TAFA4: variants seen among roughly 807,000 people sequenced by gnomAD.
The protein encoded by TAFA4 is chemokine-like protein TAFA-4.
Under a neutral mutation model 21.1 loss-of-function variants are expected in TAFA4, and 20 were observed. The observed-to-expected ratio is 0.95, with a 90% CI of 0.67 to 1.38. The LOEUF is 1.38. Among genes scored for constraint, TAFA4 ranks in the 40% most tolerant of loss-of-function variants. The pLI, the probability that TAFA4 is intolerant of heterozygous loss-of-function variation, is 0.00. For synonymous variants in TAFA4, 71 were observed against 67.4 expected (o/e 1.05, Z -0.26); for missense variants, 211 against 180.9 (o/e 1.17, Z -0.95).
intron 3 of TAFA4, among the ~76,000 whole-genome samples, chr3:68,776,447 G>T (rs957583400): frequency 6.6e-6 from 1 of 152,044 alleles, no homozygotes; most frequent in African/African-American, 2.4e-5. Context: ...ATAACAAAAG[G>T]GTCAGTTTAA....
intron 1 of TAFA4, among the ~76,000 whole-genome samples, chr3:68,923,717 G>A (rs761163046): frequency 2.0e-5 from 3 of 152,028 alleles, no homozygotes; most frequent in African/African-American, 4.8e-5. Context: ...TGTGTGGCAG[G>A]AGGAGGACTG....
intron 1 of TAFA4, among the ~76,000 whole-genome samples, chr3:68,894,876 C>G (rs752141923): frequency 1.3e-5 from 2 of 151,758 alleles, no homozygotes; most frequent in Non-Finnish European, 2.9e-5. Flanking sequence ...TTTTTTGTAA[C>G]AGAGTTTCAC....
intron 4 of TAFA4, among the ~76,000 whole-genome samples, chr3:68,752,311 T>C (rs1206484642): frequency 6.6e-6 from 1 of 152,130 alleles, no homozygotes; most frequent in Non-Finnish European, 1.5e-5. Flanking sequence ...CCTACAACCA[T>C]CAACATTCAT....
intron 5 of TAFA4, 103 bp downstream of exon 5, chr3:68,738,972 A>ATTAACACATAATAATGTGTTCTTGATGG (rs1702294164): frequency 6.6e-7 from 1 of 1,514,614 alleles, no homozygotes; most frequent in South Asian, 1.3e-5. Flanking sequence ...AAGCAGGTTT[A>ATTAACACATAATAATGTGTTCTTGATGG]TTAACACATA....
At chr3:68,876,801 A>G (rs898840878) in intron 3 of TAFA4, among the ~76,000 whole-genome samples, 3 of 152,204 alleles carry the variant, frequency 2.0e-5, no homozygotes, top group African/African-American at 7.2e-5. Flanking sequence ...TACAAAACAG[A>G]TAACATTCAA....
rs1485519280 is a variant in TAFA4, at chr3:68,845,181, G to C, written c.130+35549C>G. Among the ~76,000 whole-genome samples, 5 of 152,122 alleles carry C rather than the reference G, an allele frequency of 3.3e-5. No homozygotes were observed. The East Asian group carries it at 9.6e-4, about 29-fold the overall frequency. On this transcript the variant is annotated intron_variant, in intron 3 of 5. Transcript: ENST00000295569. ...GTAGGTCTCTAAGAACTGCTTTATGGATCTGGGTGTTCCTGCAGTGGGTTC... is the reference window on the plus strand; with the variant it reads ...GTAGGTCTCTAAGAACTGCTTTATGCATCTGGGTGTTCCTGCAGTGGGTTC...
intron 3 of TAFA4, among the ~76,000 whole-genome samples, chr3:68,822,921 A>G (rs1221598393): frequency 1.3e-5 from 2 of 152,206 alleles, no homozygotes; most frequent in Admixed American, 6.5e-5. Context: ...ATAACATTCC[A>G]AACTATGAAG....
intron 1 of TAFA4, among the ~76,000 whole-genome samples, chr3:68,912,868 G>A (rs892875024): frequency 1.3e-5 from 2 of 152,182 alleles, no homozygotes; most frequent in Non-Finnish European, 2.9e-5. Flanking sequence ...CTAGGTGGAT[G>A]TTAATAAAAA....
intron 1 of TAFA4, among the ~76,000 whole-genome samples, chr3:68,920,396 A>G (rs957870557): frequency 6.6e-6 from 1 of 152,204 alleles, no homozygotes; most frequent in Admixed American, 6.5e-5. Context: ...GTTAAATGCC[A>G]AATATGCTTC....
chr3:68,888,892 T>C (rs1381957981), intron 1 of TAFA4, among the ~76,000 whole-genome samples: 1 of 152,072 alleles, frequency 6.6e-6, no homozygotes, highest in Admixed American at 6.6e-5. Flanking sequence ...ACCATCACAA[T>C]GACAATTAAA....
intron 3 of TAFA4, among the ~76,000 whole-genome samples, chr3:68,814,520 A>G (rs914846189): frequency 1.1e-4 from 16 of 142,196 alleles, no homozygotes; most frequent in Non-Finnish European, 2.0e-4. Context: ...TTATACACCA[A>G]TAACAGACAG....
intron 3 of TAFA4, among the ~76,000 whole-genome samples, chr3:68,773,018 C>T (rs1283480318): frequency 1.3e-5 from 2 of 152,178 alleles, no homozygotes; most frequent in Non-Finnish European, 2.9e-5. Flanking sequence ...TATGAGAGAG[C>T]ATCTATTAAA....
intron 3 of TAFA4, among the ~76,000 whole-genome samples, chr3:68,778,880 G>C (rs1481802429): frequency 6.6e-6 from 1 of 152,220 alleles, no homozygotes. Flanking sequence ...ATGTGGAAGT[G>C]ATGTTGGAAC....
At chr3:68,891,988 G>A (rs1408845111) in intron 1 of TAFA4, among the ~76,000 whole-genome samples, 1 of 152,146 alleles carries the variant, frequency 6.6e-6, no homozygotes. Context: ...AAATAAGGCA[G>A]GTATTAATGA....
At chr3:68,779,517 C>G (rs1703113522) in intron 3 of TAFA4, among the ~76,000 whole-genome samples, 1 of 152,120 alleles carries the variant, frequency 6.6e-6, no homozygotes, top group South Asian at 2.1e-4. Context: ...CTGTGTGCAT[C>G]TAGGGACTTA....
intron 3 of TAFA4, among the ~76,000 whole-genome samples, chr3:68,793,378 G>A (rs981605732): frequency 6.6e-6 from 1 of 152,124 alleles, no homozygotes; most frequent in Non-Finnish European, 1.5e-5. Flanking sequence ...CATTCTAATT[G>A]TTTGCTTGTA....
At chr3:68,788,370 T>G (rs1241557394) in intron 3 of TAFA4, among the ~76,000 whole-genome samples, 1 of 152,244 alleles carries the variant, frequency 6.6e-6, no homozygotes, top group East Asian at 1.9e-4. Flanking sequence ...CTCCTTCATC[T>G]TCTTTGAATC....
intron 3 of TAFA4, among the ~76,000 whole-genome samples, chr3:68,783,793 C>T (rs1196352044): frequency 6.6e-6 from 1 of 150,478 alleles, no homozygotes; most frequent in Non-Finnish European, 1.5e-5. Context: ...AAGAGATGGA[C>T]TGAATAGATA....
At chr3:68,838,388 T>C (rs973758812) in intron 3 of TAFA4, among the ~76,000 whole-genome samples, 21 of 152,236 alleles carry the variant, frequency 1.4e-4, no homozygotes, top group African/African-American at 4.3e-4. Context: ...CAAGAAATTA[T>C]TGAACACCAA....
Sources: allele counts gnomAD v4.1 joint callset (sites outside exome capture counted in the v4.1 genomes callset), GRCh38; gene constraint gnomAD v4.1.1; transcripts MANE v1.5; gene names NCBI Gene and HGNC (gene_info 2026-07-23, HGNC 2026-07-21).